Variants in ATL1 observed in about 807,000 individuals in gnomAD.
ATL1 encodes the protein atlastin GTPase 1.
A neutral mutation model predicts 75.5 loss-of-function variants in ATL1; 31 were observed. The observed-to-expected ratio is 0.41, with a 90% CI of 0.31 to 0.55. The LOEUF is 0.55. Ranked by LOEUF, ATL1 falls within the 20% of genes least tolerant of loss-of-function variation. The pLI is 0.27. For missense variants in ATL1, 405 were observed against 662.6 expected, an observed-to-expected ratio of 0.61 and a Z score of 4.27; for synonymous variants, 226 against 233.3, an observed-to-expected ratio of 0.97 and a Z score of 0.28.
chr14:50,563,747 C>A (rs2038874311), intron 1 of ATL1, among the ~76,000 whole-genome samples: 1 of 152,128 alleles, frequency 6.6e-6, no homozygotes, highest in African/African-American at 2.4e-5. Context: ...AAGACCATAC[C>A]CAGAGATAAA....
At chr14:50,558,642 A>C (rs1595578224), upstream of ATL1, among the ~76,000 whole-genome samples, 2 of 152,176 alleles carry the variant, frequency 1.3e-5, no homozygotes, top group African/African-American at 4.8e-5. Context: ...GAATTATATA[A>C]ATTTTTTCTT....
At chr14:50,613,131 T>A in intron 6 of ATL1, 128 bp from the exon 7 acceptor site, 1 of 756,294 alleles carries the variant, frequency 1.3e-6, no homozygotes, top group Non-Finnish European at 2.3e-6. Context: ...GTTTTATGTT[T>A]GATTTTTAAT....
intron 1 of ATL1, among the ~76,000 whole-genome samples, chr14:50,568,257 A>G (rs2038922870): frequency 1.3e-5 from 2 of 152,134 alleles, no homozygotes; most frequent in Non-Finnish European, 1.5e-5. Context: ...CTAGCCAGGT[A>G]TGGTGGTATG....
At chr14:50,578,045 T>C (rs1459481775) in intron 1 of ATL1, among the ~76,000 whole-genome samples, 1 of 152,210 alleles carries the variant, frequency 6.6e-6, no homozygotes, top group East Asian at 1.9e-4. Flanking sequence ...TATATATTTA[T>C]AAATATTCCA....
At position 50,549,101 on chromosome 14, in the gene ATL1, C is replaced by T. The variant is rs2038670264; in HGVS notation, c.-139-11026C>T. The stretch of plus-strand genomic sequence containing the variant: ...TACAGGAGGTGCTTGGACCCATTCA[C>T]TTTGAACAAGTGGAGGGAGCCAAGA... On this transcript the variant is annotated intron_variant, in intron 1 of 13. Transcript: ENST00000441560. Among the ~76,000 whole-genome samples, 4 of 152,116 alleles carry T rather than the reference C, an allele frequency of 2.6e-5. No individual in the cohort carries two copies. The South Asian group carries it at 8.3e-4, about 32-fold the overall frequency.
intron 3 of ATL1, 114 bp from the exon 4 acceptor site, chr14:50,591,421 C>T: frequency 4.2e-6 from 3 of 720,432 alleles, no homozygotes; most frequent in Admixed American, 5.1e-5. Context: ...AAGAAATTAT[C>T]TAAAATAGTA....
At chr14:50,612,945 C>G (rs927002600) in intron 6 of ATL1, among the ~76,000 whole-genome samples, 4 of 152,070 alleles carry the variant, frequency 2.6e-5, no homozygotes, top group Admixed American at 2.6e-4. Context: ...GGAACCTATT[C>G]TACACAAAAT....
At chr14:50,591,131 T>C in intron 3 of ATL1, 56 bp downstream of exon 3, 1 of 1,556,682 alleles carries the variant, frequency 6.4e-7, no homozygotes, top group Admixed American at 1.7e-5. Flanking sequence ...AGTTACTACT[T>C]TTTAGGATCC....
intron 1 of ATL1, among the ~76,000 whole-genome samples, chr14:50,560,726 C>G (rs1386552430): frequency 6.7e-6 from 1 of 149,276 alleles, no homozygotes; most frequent in Admixed American, 6.7e-5. Flanking sequence ...CAAGCCCCAA[C>G]CCCCCTCCCC....
chr14:50,627,871 C>T (rs1388309883), intron 11 of ATL1, among the ~76,000 whole-genome samples, 160 bp from the exon 12 acceptor site: 3 of 152,190 alleles, frequency 2.0e-5, no homozygotes, highest in South Asian at 4.2e-4. Flanking sequence ...AGTCATGCCT[C>T]GTGGATAGGG....
intron 1 of ATL1, among the ~76,000 whole-genome samples, chr14:50,587,086 T>G (rs2039108897): frequency 6.6e-6 from 1 of 152,216 alleles, no homozygotes; most frequent in African/African-American, 2.4e-5. Context: ...TCTGTGATTC[T>G]GAGCCCTTCT....
intron 5 of ATL1, among the ~76,000 whole-genome samples, chr14:50,594,561 A>ATTTT (rs2039194483): frequency 6.6e-6 from 1 of 152,214 alleles, no homozygotes; most frequent in African/African-American, 2.4e-5. Flanking sequence ...CTGCTCCAAA[A>ATTTT]GGAGCAGAAA....
chr14:50,606,628 A>G (rs1218734020), intron 6 of ATL1, among the ~76,000 whole-genome samples: 1 of 152,016 alleles, frequency 6.6e-6, no homozygotes, highest in African/African-American at 2.4e-5. Context: ...CTTTTGCATA[A>G]ATTGGTTGCC....
At chr14:50,554,831 T>C (rs2038745796) in intron 1 of ATL1, among the ~76,000 whole-genome samples, 1 of 152,172 alleles carries the variant, frequency 6.6e-6, no homozygotes, top group Non-Finnish European at 1.5e-5. Flanking sequence ...GTCTGAGTCA[T>C]TCTTCAGTCT....
chr14:50,538,685 C>A (rs999410982), intron 1 of ATL1, among the ~76,000 whole-genome samples: 4 of 152,176 alleles, frequency 2.6e-5, no homozygotes, highest in African/African-American at 9.7e-5. Context: ...ATAGCTCTTG[C>A]AGGATTCCAG....
intron 5 of ATL1, among the ~76,000 whole-genome samples, chr14:50,595,326 G>T (rs892841671): frequency 3.3e-5 from 5 of 151,716 alleles, no homozygotes; most frequent in African/African-American, 1.2e-4. Context: ...AAAATAAAAT[G>T]GAAATTTTAT....
intron 1 of ATL1, among the ~76,000 whole-genome samples, chr14:50,565,878 C>T (rs956894513): frequency 9.9e-5 from 15 of 152,060 alleles, no homozygotes; most frequent in Non-Finnish European, 1.8e-4. Flanking sequence ...ACATGTAAAA[C>T]GTGTTCAGTT....
chr14:50,609,326 C>A (rs1231874279), intron 6 of ATL1, among the ~76,000 whole-genome samples: 6 of 151,756 alleles, frequency 4.0e-5, no homozygotes, highest in Non-Finnish European at 8.8e-5. Context: ...TCTCTATTTT[C>A]TTTAAATAAA....
At chr14:50,584,167 G>A (rs1043439143) in intron 1 of ATL1, among the ~76,000 whole-genome samples, 1 of 152,064 alleles carries the variant, frequency 6.6e-6, no homozygotes, top group South Asian at 2.1e-4. Flanking sequence ...TTGAGTCCAG[G>A]AATTTGAGAC....
Sources: allele counts gnomAD v4.1 joint callset (sites outside exome capture counted in the v4.1 genomes callset), GRCh38; gene constraint gnomAD v4.1.1; transcripts MANE v1.5; gene names NCBI Gene and HGNC (gene_info 2026-07-23, HGNC 2026-07-21).